FOXP1: variants seen among roughly 807,000 people sequenced by gnomAD.
FOXP1 encodes the protein forkhead box P1.
FOXP1 carries 15 observed loss-of-function variants against 98.2 expected under a neutral mutation model. The ratio of observed to expected loss-of-function variants is 0.15; its 90% CI spans 0.10 to 0.24. The LOEUF is 0.24. Among genes scored for constraint, FOXP1 ranks in the 10% least tolerant of loss-of-function variants. The pLI is 1.00. For missense variants in FOXP1, 633 were observed against 848.5 expected (o/e 0.75, Z 3.15); for synonymous variants, 371 against 314.5 (o/e 1.18, Z -1.90).
chr3:71,003,312 C>A (rs1402239809), intron 12 of FOXP1, among the ~76,000 whole-genome samples: 3 of 152,118 alleles, frequency 2.0e-5, no homozygotes, highest in Non-Finnish European at 4.4e-5. Context: ...ACAGTTATGT[C>A]CTTAATGATG....
chr3:70,978,861 G>A (rs977472892), intron 14 of FOXP1, among the ~76,000 whole-genome samples: 6 of 152,260 alleles, frequency 3.9e-5, no homozygotes, highest in African/African-American at 1.4e-4. Flanking sequence ...CAGAATACGG[G>A]AGATCTGCAA....
chr3:71,477,612 T>C (rs1039664302), intron 3 of FOXP1, among the ~76,000 whole-genome samples: 11 of 152,232 alleles, frequency 7.2e-5, no homozygotes, highest in African/African-American at 2.2e-4. Flanking sequence ...TTTCTAACCC[T>C]TGATTTCTAT....
intron 2 of FOXP1, among the ~76,000 whole-genome samples, chr3:71,534,327 G>A (rs1210181193): frequency 1.3e-5 from 2 of 152,048 alleles, no homozygotes; most frequent in East Asian, 3.9e-4. Flanking sequence ...TCACGCCATT[G>A]CACTCCAGCC....
At chr3:71,549,030 G>A (rs543815667) in intron 2 of FOXP1, among the ~76,000 whole-genome samples, 27 of 152,268 alleles carry the variant, frequency 1.8e-4, no homozygotes, top group Admixed American at 2.0e-4. Context: ...GTTAACCACT[G>A]CACAACACTG....
chr3:71,175,642 G>C (rs542459700), intron 6 of FOXP1, among the ~76,000 whole-genome samples: 26 of 152,248 alleles, frequency 1.7e-4, no homozygotes, highest in African/African-American at 6.0e-4. Context: ...GGTAAAGCAA[G>C]GACTCACGGA....
At chr3:71,459,257 A>G (rs1273739774) in intron 3 of FOXP1, among the ~76,000 whole-genome samples, 2 of 152,224 alleles carry the variant, frequency 1.3e-5, no homozygotes, top group Middle Eastern at 3.2e-3. Flanking sequence ...ACCTCAATTT[A>G]TTTATTGACT....
At chr3:71,425,169 G>T (rs1003562433) in intron 3 of FOXP1, among the ~76,000 whole-genome samples, 14 of 152,050 alleles carry the variant, frequency 9.2e-5, no homozygotes, top group African/African-American at 3.1e-4. Context: ...AGGCTGGAGT[G>T]CAGTGGCACA....
intron 6 of FOXP1, among the ~76,000 whole-genome samples, chr3:71,117,006 G>C (rs1327051005): frequency 6.6e-6 from 1 of 152,140 alleles, no homozygotes; most frequent in Non-Finnish European, 1.5e-5. Flanking sequence ...ATGATGACTT[G>C]ATAGCCATTT....
intron 11 of FOXP1, among the ~76,000 whole-genome samples, chr3:71,034,880 T>C (rs996183745): frequency 6.6e-6 from 1 of 152,242 alleles, no homozygotes; most frequent in African/African-American, 2.4e-5. Context: ...GTCACTAGTT[T>C]TGAGGACTGA....
intron 2 of FOXP1, among the ~76,000 whole-genome samples, chr3:71,553,308 C>G (rs1415935070): frequency 6.6e-6 from 1 of 152,076 alleles, no homozygotes; most frequent in Admixed American, 6.6e-5. Context: ...AATAAATAAA[C>G]TTGCTTTATA....
At chr3:71,021,556 G>T (rs150610021) in intron 11 of FOXP1, among the ~76,000 whole-genome samples, 1,763 of 152,264 alleles carry the variant, frequency 0.012, 45 homozygotes, top group African/African-American at 0.04. Flanking sequence ...TATCTACCTA[G>T]AAGTTGAATT....
intron 5 of FOXP1, among the ~76,000 whole-genome samples, chr3:71,201,626 C>T (rs1234409346): frequency 1.3e-5 from 2 of 149,212 alleles, no homozygotes; most frequent in African/African-American, 2.5e-5. Context: ...GGCTCTGTCT[C>T]GAAAAAAGGG....
At chr3:71,155,435 T>C (rs1422385852) in intron 6 of FOXP1, among the ~76,000 whole-genome samples, 2 of 152,238 alleles carry the variant, frequency 1.3e-5, no homozygotes, top group Non-Finnish European at 1.5e-5. Context: ...GCTATTTTGC[T>C]CTTTCAAAAT....
At chr3:70,968,101 A>G (rs1043705568) in intron 19 of FOXP1, among the ~76,000 whole-genome samples, 6 of 152,148 alleles carry the variant, frequency 3.9e-5, no homozygotes, top group African/African-American at 1.4e-4. Context: ...ATCATAGAAC[A>G]TGGGCTGAGA....
chr3:71,254,115 T>C (rs1250581301), intron 5 of FOXP1, among the ~76,000 whole-genome samples: 1 of 152,170 alleles, frequency 6.6e-6, no homozygotes, highest in Admixed American at 6.5e-5. Flanking sequence ...TATAAGAAAT[T>C]TTAAAATTTC....
At position 71,306,594 on chromosome 3, in the gene FOXP1, T is replaced by C. The variant is rs1009153171; in HGVS notation, c.-72-6714A>G. Among the ~76,000 whole-genome samples the C allele has an allele frequency of 6.5e-5, 7 of 108,302 alleles. No individual in the cohort carries two copies. In the East Asian group the frequency reaches 2.3e-3, roughly 35 times the overall value. The allele number at this position is 108,302 out of a possible 152,430, so 71.1% of individuals were successfully genotyped here. A position where few individuals can be genotyped will look rare whatever the true frequency, so the allele number is the denominator to read the frequency against. On this transcript the variant is annotated intron_variant, in intron 4 of 20. Transcript: ENST00000649528. ...ATATATGTGCATATATACTCACACATAATACATTCAAGCATATCTAGTTAA... is the reference window on the plus strand; with the variant it reads ...ATATATGTGCATATATACTCACACACAATACATTCAAGCATATCTAGTTAA...
intron 2 of FOXP1, among the ~76,000 whole-genome samples, chr3:71,548,214 T>A (rs1267650232): frequency 2.6e-5 from 4 of 152,172 alleles, no homozygotes; most frequent in African/African-American, 9.7e-5. Flanking sequence ...TGTGGGTGTT[T>A]TAAAAAGTTG....
intron 7 of FOXP1, among the ~76,000 whole-genome samples, chr3:71,094,286 T>C (rs542908227): frequency 2.0e-5 from 3 of 146,520 alleles, no homozygotes; most frequent in South Asian, 4.4e-4. Flanking sequence ...TTCTTTTTTT[T>C]TTTTTTTTTT....
chr3:71,582,637 G>A, intron 1 of FOXP1: 1 of 985,426 alleles, frequency 1.0e-6, no homozygotes, highest in Middle Eastern at 5.2e-4. Context: ...AAATGTGTGT[G>A]ATGGTGGGAG....
Sources: allele counts gnomAD v4.1 joint callset (sites outside exome capture counted in the v4.1 genomes callset), GRCh38; gene constraint gnomAD v4.1.1; transcripts MANE v1.5; gene names NCBI Gene and HGNC (gene_info 2026-07-23, HGNC 2026-07-21).